Variants in CAMTA1 observed in about 807,000 individuals in gnomAD.
CAMTA1 encodes the protein calmodulin binding transcription activator 1.
CAMTA1 carries 27 observed loss-of-function variants against 170.9 expected under a neutral mutation model. The observed-to-expected ratio is 0.16, with a 90% CI of 0.12 to 0.22. The LOEUF (loss-of-function observed/expected upper bound fraction) is 0.22, where lower values mean the gene tolerates loss of function less well. Among genes scored for constraint, CAMTA1 ranks in the 10% least tolerant of loss-of-function variants. The probability of loss-of-function intolerance (pLI) is 1.00; values close to 1 mark genes in which losing one functional copy is unlikely to be tolerated. For synonymous variants in CAMTA1, 833 were observed against 891.5 expected (o/e 0.93, Z 1.17); for missense variants, 1,619 against 2,217.2 (o/e 0.73, Z 5.42).
intron 6 of CAMTA1, among the ~76,000 whole-genome samples, chr1:7,614,539 C>T (rs999067084): frequency 3.6e-4 from 55 of 152,280 alleles, no homozygotes; most frequent in African/African-American, 1.3e-3. Context: ...TGACAACAAC[C>T]GCCCCATTGG....
Position 7,547,250 on chromosome 1 carries a change from T to C in CAMTA1, c.510+79349T>C, listed in dbSNP as rs751553018. Among the ~76,000 whole-genome samples, 14 of 152,064 alleles carry C rather than the reference T, an allele frequency of 9.2e-5. No individual in the cohort carries two copies. Among genetic ancestry groups the C allele is most frequent in the Non-Finnish European group, 1.9e-4 (13 of 68,030 alleles). On this transcript the variant is annotated intron_variant, in intron 6 of 22. Transcript: ENST00000303635. This position sits in a 1 kb window ranked among gnomAD's most constrained non-coding sequence, Gnocchi z 5.7. ...TCCAAAGAAACCTGGTTTCTTTTAG[T>C]GGAAAGTGGTGTTTAGAAGCCAAGA...
In CAMTA1 at chr1:6,879,087, TAG is replaced by T. The variant is rs761436980; in HGVS notation, c.234+53880_234+53881del. ...ATCCCTGCACTTCTTTTAAAGGAAG[TAG>T]AGTTTCCGCTTGAAAAAGAGTCCAT... On this transcript the variant is annotated intron_variant, in intron 3 of 22. Coordinates refer to ENST00000303635, the MANE Select transcript of CAMTA1 (RefSeq NM_015215.4). Among the ~76,000 whole-genome samples, 10 of 152,284 alleles carry T rather than the reference TAG, an allele frequency of 6.6e-5. No individual in the cohort carries two copies. The East Asian group carries it at 1.5e-3, about 24-fold the overall frequency.
intron 3 of CAMTA1, among the ~76,000 whole-genome samples, chr1:7,075,549 G>A (rs1639185185): frequency 6.6e-6 from 1 of 152,062 alleles, no homozygotes. Flanking sequence ...TCCCTTCCCG[G>A]CCCTGTGCTC....
intron 3 of CAMTA1, among the ~76,000 whole-genome samples, chr1:7,088,443 G>A (rs887267629): frequency 2.0e-5 from 3 of 152,292 alleles, no homozygotes; most frequent in East Asian, 3.9e-4. Flanking sequence ...TGTACCCATC[G>A]CTCGACTGTG....
chr1:7,675,321 G>A (rs185357326), intron 10 of CAMTA1, among the ~76,000 whole-genome samples: 98 of 152,354 alleles, frequency 6.4e-4, no homozygotes, highest in African/African-American at 2.2e-3. Context: ...AAAATAAATC[G>A]TGTCCATCTT....
chr1:7,513,613 GC>G (rs2094234628), intron 6 of CAMTA1, among the ~76,000 whole-genome samples: 2 of 152,026 alleles, frequency 1.3e-5, no homozygotes, highest in South Asian at 4.2e-4. Flanking sequence ...TGTGTCCATG[GC>G]TTTTTCTTAC....
chr1:7,518,107 G>A (rs1557854400), intron 6 of CAMTA1, among the ~76,000 whole-genome samples: 2 of 152,004 alleles, frequency 1.3e-5, no homozygotes, highest in African/African-American at 2.4e-5. Context: ...GAAGTGGATG[G>A]GACCGTGATC....
rs779649204 is a variant in CAMTA1 at position 7,736,320 on chromosome 1, G to A, written c.3067-24G>A. On this transcript the variant is annotated intron_variant, in intron 12 of 22. Coordinates refer to ENST00000303635, the MANE Select transcript of CAMTA1 (RefSeq NM_015215.4). The surrounding 1 kb of genome is among the most constrained non-coding windows in gnomAD (Gnocchi z 4.5). ...GTCGAGGGCCTTTAGTCCTGAGGTC[G>A]TAACGTGCGCTTTTTTGTGACAGTG... 27 of 1,608,352 alleles carry A rather than the reference G, an allele frequency of 1.7e-5. No homozygotes were observed. Among genetic ancestry groups the A allele is most frequent in the Middle Eastern group, 1.6e-4 (1 of 6,070 alleles).
chr1:6,808,457 G>T (rs1231740682), intron 1 of CAMTA1, among the ~76,000 whole-genome samples: 1 of 152,092 alleles, frequency 6.6e-6, no homozygotes, highest in South Asian at 2.1e-4. Context: ...AGGCACACAC[G>T]CTCACCCATG....
At chr1:7,621,102 G>A (rs1179127211) in intron 6 of CAMTA1, among the ~76,000 whole-genome samples, 1 of 152,194 alleles carries the variant, frequency 6.6e-6, no homozygotes. Context: ...GTGGAGAAAA[G>A]GCCAGGACCT....
intron 5 of CAMTA1, among the ~76,000 whole-genome samples, chr1:7,335,358 C>T (rs544783866): frequency 8.5e-5 from 13 of 152,254 alleles, no homozygotes; most frequent in South Asian, 2.1e-4. Context: ...ACATTCCTAT[C>T]GGGCATTTAT....
chr1:7,375,500 C>T (rs187627732), intron 5 of CAMTA1, among the ~76,000 whole-genome samples: 123 of 152,296 alleles, frequency 8.1e-4, no homozygotes, highest in Non-Finnish European at 9.3e-4. Flanking sequence ...CTGAGGCGGA[C>T]GCACATGGTG....
At chr1:6,805,517 G>A (rs1317608914) in intron 1 of CAMTA1, among the ~76,000 whole-genome samples, 3 of 152,088 alleles carry the variant, frequency 2.0e-5, no homozygotes, top group Admixed American at 2.0e-4. Flanking sequence ...TTTCGCTTTT[G>A]TTTTTTGAGA....
intron 6 of CAMTA1, among the ~76,000 whole-genome samples, chr1:7,627,771 G>A (rs1307297053): frequency 6.6e-6 from 1 of 152,182 alleles, no homozygotes; most frequent in African/African-American, 2.4e-5. Flanking sequence ...TATGTGTAAA[G>A]CAGATGGGGC....
At chr1:7,575,894 A>G (rs1330782765) in intron 6 of CAMTA1, among the ~76,000 whole-genome samples, 1 of 152,224 alleles carries the variant, frequency 6.6e-6, no homozygotes, top group African/African-American at 2.4e-5. Context: ...AGGGCCCTCC[A>G]GTTCCTGCTT....
intron 5 of CAMTA1, among the ~76,000 whole-genome samples, chr1:7,305,765 G>C (rs555331699): frequency 5.9e-4 from 90 of 152,192 alleles, no homozygotes; most frequent in African/African-American, 2.0e-3. Context: ...GGTTGCGTTA[G>C]ATAGTAAGTG....
Position 7,333,746 on chromosome 1 carries a change from G to A in CAMTA1, c.438+84120G>A, listed in dbSNP as rs932361799. ...GGAGCCTGGTGTATTTACATACCAC[G>A]GACTAGGTTTAAAAATCAACTTTAG... On this transcript the variant is annotated intron_variant, in intron 5 of 22. Coordinates refer to ENST00000303635, the MANE Select transcript of CAMTA1 (RefSeq NM_015215.4). This position sits in a 1 kb window ranked among gnomAD's most constrained non-coding sequence, Gnocchi z 4.4. Among the ~76,000 whole-genome samples, 3 of 152,180 alleles carry A rather than the reference G, an allele frequency of 2.0e-5. No homozygotes were observed. The highest frequency in any genetic ancestry group is 3.8e-4 in the East Asian group (2 of 5,196).
intron 21 of CAMTA1, 138 bp downstream of exon 21, chr1:7,752,671 C>T (rs193185531): frequency 6.3e-6 from 4 of 633,188 alleles, no homozygotes; most frequent in Admixed American, 3.4e-5. Context: ...TACAATAGGG[C>T]GGTAGAGCTC....
chr1:7,525,077 C>T (rs769104150), intron 6 of CAMTA1, among the ~76,000 whole-genome samples: 3 of 152,244 alleles, frequency 2.0e-5, no homozygotes, highest in East Asian at 1.9e-4. Flanking sequence ...CCCGCCCCCG[C>T]GTCGGCCCCC....
Sources: allele counts gnomAD v4.1 joint callset (sites outside exome capture counted in the v4.1 genomes callset), GRCh38; gene constraint gnomAD v4.1.1; non-coding constraint Gnocchi (gnomAD v3.1); transcripts MANE v1.5; gene names NCBI Gene and HGNC (gene_info 2026-07-23, HGNC 2026-07-21).